XIST: variants seen among roughly 807,000 people sequenced by gnomAD.
XIST encodes the protein X inactive specific transcript, also known as X inactive specific transcript (non-protein coding).
exon 6 of XIST, chrX:73,826,446 C>G (rs1386838464): frequency 1.8e-6 from 1 of 556,300 alleles, no homozygotes; most frequent in African/African-American, 2.2e-5. Context: ...TTACAAAACA[C>G]TATAGCCTAA....
chrX:73,826,514 G>A (rs1922256904), exon 6 of XIST: 2 of 559,165 alleles, frequency 3.6e-6, no homozygotes, highest in Non-Finnish European at 3.2e-6. Context: ...GCATAATACT[G>A]TCAATCTAAA....
exon 1 of XIST, chrX:73,852,697 CGA>C (rs1047545262): frequency 2.7e-5 from 12 of 442,278 alleles, no homozygotes; most frequent in South Asian, 3.9e-5. Flanking sequence ...CTTCCAGCCC[CGA>C]GAGAGTAAGA....
exon 1 of XIST, chrX:73,846,716 G>A (rs764876807): frequency 2.5e-5 from 14 of 557,391 alleles, no homozygotes; most frequent in South Asian, 2.5e-4. Context: ...TAGCAACCTC[G>A]ACAAATACAA....
exon 1 of XIST, chrX:73,841,910 A>G (rs749476776): frequency 7.7e-6 from 4 of 518,113 alleles, no homozygotes; most frequent in Non-Finnish European, 1.4e-5. Context: ...TGAAGAAATT[A>G]AAGGATTATA....
At chrX:73,849,192 G>T in exon 1 of XIST, 1 of 559,084 alleles carries the variant, frequency 1.8e-6, no homozygotes, top group Non-Finnish European at 3.2e-6. Flanking sequence ...TTACTACTTT[G>T]TTCTTTAATT....
chrX:73,845,407 G>A (rs768608990), exon 1 of XIST: 3 of 555,809 alleles, frequency 5.4e-6, no homozygotes, highest in Non-Finnish European at 9.7e-6. Flanking sequence ...GCACATTCAT[G>A]TCCAAGGTGA....
chrX:73,831,444 C>CAA (rs5902721), intron 3 of XIST: 178 of 249,956 alleles, frequency 7.1e-4, no homozygotes, highest in Middle Eastern at 1.1e-3. Flanking sequence ...ACCAACTTAG[C>CAA]AAAAAAAAAA....
chrX:73,842,746 T>C (rs1203007934), exon 1 of XIST: 6 of 556,161 alleles, frequency 1.1e-5, no homozygotes, highest in Non-Finnish European at 1.9e-5. Flanking sequence ...TGAGAATTGT[T>C]TAAGTCCAAG....
exon 1 of XIST, chrX:73,843,614 G>C (rs745902118): frequency 1.8e-6 from 1 of 557,006 alleles, no homozygotes; most frequent in Non-Finnish European, 3.2e-6. Context: ...TGCATATTAA[G>C]TCCAAAAGAA....
At chrX:73,826,391 T>C (rs527521832) in exon 6 of XIST, 10 of 558,471 alleles carry the variant, frequency 1.8e-5, no homozygotes, top group South Asian at 8.9e-5. Flanking sequence ...TGACTGGATT[T>C]TGGTGTCTCT....
chrX:73,843,009 A>G, exon 1 of XIST: 1 of 558,815 alleles, frequency 1.8e-6, no homozygotes, highest in Non-Finnish European at 3.2e-6. Flanking sequence ...GGTTGGGAGT[A>G]TGGACCACTG....
At chrX:73,844,541 G>T (rs1235408191) in exon 1 of XIST, 3 of 559,174 alleles carry the variant, frequency 5.4e-6, no homozygotes, top group Admixed American at 4.4e-5. Context: ...TTTCCAAGAT[G>T]CATGGTTGTG....
exon 1 of XIST, chrX:73,847,486 C>G (rs898425772): frequency 3.9e-6 from 2 of 512,994 alleles, no homozygotes; most frequent in Non-Finnish European, 7.0e-6. Flanking sequence ...TCCCAAAGTG[C>G]TGGGATTACA....
At chrX:73,843,372 T>C (rs1429986738) in exon 1 of XIST, 1 of 558,981 alleles carries the variant, frequency 1.8e-6, no homozygotes, top group South Asian at 2.2e-5. Context: ...TTGTTATTAA[T>C]GCTATTAATT....
chrX:73,828,351 C>G (rs1922311549), intron 5 of XIST: 1 of 159,897 alleles, frequency 6.3e-6, no homozygotes, highest in Admixed American at 7.4e-5. Flanking sequence ...ATGTGCCAGG[C>G]ACTGCAATAG....
At chrX:73,826,843 G>A (rs750013270) in exon 6 of XIST, 18 of 556,428 alleles carry the variant, frequency 3.2e-5, no homozygotes, top group African/African-American at 1.8e-4. Flanking sequence ...ATCTTAGGTC[G>A]TTGGCCTTGT....
exon 1 of XIST, chrX:73,847,833 G>A (rs1922813788): frequency 5.4e-6 from 3 of 558,974 alleles, no homozygotes; most frequent in African/African-American, 4.4e-5. Flanking sequence ...TAAAGGGAGA[G>A]ACCATGAACA....
chrX:73,834,324 T>C (rs1242781037), intron 2 of XIST, among the ~76,000 whole-genome samples: 1 of 112,782 alleles, frequency 8.9e-6, no homozygotes, highest in Middle Eastern at 4.2e-3. Flanking sequence ...TCTCCCCAAG[T>C]CTTCTTAAGC....
At chrX:73,847,774 G>A (rs1922812501) in exon 1 of XIST, 1 of 556,810 alleles carries the variant, frequency 1.8e-6, no homozygotes, top group African/African-American at 2.2e-5. Context: ...GAAGGACTCT[G>A]GGTTTCCAGC....
Sources: allele counts gnomAD v4.1 joint callset (sites outside exome capture counted in the v4.1 genomes callset), GRCh38; gene constraint gnomAD v4.1.1; transcripts MANE v1.5; gene names NCBI Gene and HGNC (gene_info 2026-07-23, HGNC 2026-07-21).